MAPK14: variants seen among roughly 807,000 people sequenced by gnomAD.
The protein encoded by MAPK14 is CSAID-binding protein.
Under a neutral mutation model 49.6 loss-of-function variants are expected in MAPK14, and 16 were observed. The observed-to-expected ratio is 0.32, with a 90% CI of 0.22 to 0.49. The LOEUF is 0.49. MAPK14 is among the 20% of genes least tolerant of loss of function. The pLI is 0.99. For synonymous variants in MAPK14, 142 were observed against 158.0 expected (o/e 0.90, Z 0.76); for missense variants, 200 against 441.2 (o/e 0.45, Z 4.90).
At chr6:36,080,495 G>A (rs1764712100) in intron 8 of MAPK14, among the ~76,000 whole-genome samples, 1 of 152,084 alleles carries the variant, frequency 6.6e-6, no homozygotes, top group African/African-American at 2.4e-5. Context: ...ATTTCACTTA[G>A]TATAATGTTT....
At chr6:36,037,911 C>A (rs1271781870) in intron 1 of MAPK14, among the ~76,000 whole-genome samples, 1 of 151,796 alleles carries the variant, frequency 6.6e-6, no homozygotes. Context: ...ATTGCTTGAG[C>A]CTAAGAGGAT....
At position 36,058,993 on chromosome 6, in the gene MAPK14, AG is replaced by A. The variant is rs561788099; in HGVS notation, c.247-295del. On this transcript the variant is annotated intron_variant, in intron 2 of 11. Coordinates refer to ENST00000229794, the MANE Select transcript of MAPK14 (RefSeq NM_139012.3). Reference sequence around the variant, plus strand: ...CAACCTCCGCTTCCCAGGTTCAATCAGTTCTCCTGCCTCAGCCTCCCGAGTA... The same window carrying A: ...CAACCTCCGCTTCCCAGGTTCAATCATTCTCCTGCCTCAGCCTCCCGAGTA... Among the ~76,000 whole-genome samples the A allele has an allele frequency of 4.0e-5, 6 of 151,378 alleles. No homozygotes were observed. In the South Asian group the frequency reaches 1.2e-3, roughly 31 times the overall value.
At chr6:36,121,157 C>T in the MAPK14 span, among the ~76,000 whole-genome samples, 4 of 152,168 alleles carry the variant, frequency 2.6e-5, no homozygotes, top group South Asian at 6.2e-4. Flanking sequence ...GGCACGCTTG[C>T]GGATCGCTAG....
chr6:36,102,688 T>C lies in MAPK14; in HGVS notation c.841+39T>C, dbSNP rs368212855. On this transcript the variant is annotated intron_variant, in intron 10 of 11. Transcript: ENST00000229794. ...ATATCCTCACCTCATGGATATTGAATTGGTTATGATATAAATTGGGGATTT... is the reference window on the plus strand; with the variant it reads ...ATATCCTCACCTCATGGATATTGAACTGGTTATGATATAAATTGGGGATTT... 1.5e-5 allele frequency: 24 copies of C among 1,609,840 alleles called. No homozygotes were observed. The African/African-American group carries it at 3.2e-4, about 22-fold the overall frequency.
intron 8 of MAPK14, among the ~76,000 whole-genome samples, chr6:36,095,359 G>C (rs1047305810): frequency 6.6e-6 from 1 of 152,202 alleles, no homozygotes; most frequent in African/African-American, 2.4e-5. Flanking sequence ...AGCGCCCTCT[G>C]CTGGCGACTC....
chr6:36,066,628 A>T (rs1764069538), intron 3 of MAPK14, among the ~76,000 whole-genome samples: 1 of 152,214 alleles, frequency 6.6e-6, no homozygotes, highest in Non-Finnish European at 1.5e-5. Context: ...AGAATGAAGG[A>T]AATATGTAAA....
chr6:36,107,351 T>C lies in MAPK14; in HGVS notation c.842-104T>C. 1 of 701,212 alleles carries C rather than the reference T, an allele frequency of 1.4e-6. No homozygotes were observed. 43.4% of individuals were successfully genotyped at this position (701,212 alleles called of 1,614,324 possible). On this transcript the variant is annotated intron_variant, in intron 10 of 11. Transcript: ENST00000229794. The surrounding 1 kb of genome is among the most constrained non-coding windows in gnomAD (Gnocchi z 4.3). ...CTAGAGTAGGTATTTTGGAGGAGAG[T>C]TCTTTGTTTGGATATGAAGGGTCAA...
chr6:36,106,234 A>C (rs1427273708), intron 10 of MAPK14, among the ~76,000 whole-genome samples: 3 of 152,182 alleles, frequency 2.0e-5, no homozygotes, highest in East Asian at 1.9e-4. Context: ...GTTTTTGGGA[A>C]GTACAGGGGA....
At chr6:36,032,318 T>C (rs1252732505) in intron 1 of MAPK14, among the ~76,000 whole-genome samples, 2 of 152,212 alleles carry the variant, frequency 1.3e-5, no homozygotes, top group Non-Finnish European at 2.9e-5. Context: ...TTTACAAATA[T>C]GCCTTTCCGT....
intron 8 of MAPK14, among the ~76,000 whole-genome samples, chr6:36,086,286 A>G (rs1246111119): frequency 2.0e-5 from 3 of 152,198 alleles, no homozygotes; most frequent in Admixed American, 2.0e-4. Context: ...CTAGCAGAGG[A>G]CAAGAAATAA....
chr6:36,099,642 A>G (rs895987901), intron 9 of MAPK14, among the ~76,000 whole-genome samples: 1 of 152,216 alleles, frequency 6.6e-6, no homozygotes, highest in African/African-American at 2.4e-5. Flanking sequence ...AGTATTTTAA[A>G]TGTACCACTA....
intron 3 of MAPK14, among the ~76,000 whole-genome samples, chr6:36,061,982 T>C (rs1385468239): frequency 7.2e-5 from 11 of 151,952 alleles, no homozygotes; most frequent in African/African-American, 2.4e-4. Flanking sequence ...TTCAGTGTTT[T>C]CTTTTTTTTT....
At chr6:36,031,151 A>G (rs894681310) in intron 1 of MAPK14, among the ~76,000 whole-genome samples, 2 of 151,924 alleles carry the variant, frequency 1.3e-5, no homozygotes, top group African/African-American at 4.8e-5. Flanking sequence ...AGTAGCTGGG[A>G]CTACAGGTGC....
intron 1 of MAPK14, among the ~76,000 whole-genome samples, chr6:36,045,382 A>G (rs1471262149): frequency 2.0e-5 from 3 of 152,170 alleles, no homozygotes; most frequent in Non-Finnish European, 4.4e-5. Context: ...GCCTCTCTTC[A>G]GCTCTCCTGA....
the MAPK14 span, among the ~76,000 whole-genome samples, chr6:36,122,963 G>A: frequency 6.6e-6 from 1 of 152,170 alleles, no homozygotes; most frequent in Non-Finnish European, 1.5e-5. Context: ...CCTGTGGAGG[G>A]GGAAGCGGGT....
chr6:36,052,675 GT>G lies in MAPK14; in HGVS notation c.117-18del, dbSNP rs1332620807. 12 of 1,582,562 alleles carry G rather than the reference GT, an allele frequency of 7.6e-6. No homozygotes were observed. In the East Asian group the frequency reaches 1.4e-4, roughly 18 times the overall value. On this transcript the variant is annotated intron_variant, in intron 1 of 11. Transcript: ENST00000229794. The stretch of plus-strand genomic sequence containing the variant: ...ATTTAGAACAGCTTTTTAATGGTGG[GT>G]TTTTTCCCTTTTTTCTCCTTAGTGC...
intron 8 of MAPK14, among the ~76,000 whole-genome samples, chr6:36,080,357 G>T (rs1347795485): frequency 9.9e-5 from 15 of 152,040 alleles, no homozygotes; most frequent in Non-Finnish European, 2.1e-4. Context: ...CTCAGCCCGT[G>T]AAACAGTAAC....
chr6:36,081,431 A>G (rs1340833370), intron 8 of MAPK14, among the ~76,000 whole-genome samples: 1 of 152,226 alleles, frequency 6.6e-6, no homozygotes, highest in Admixed American at 6.5e-5. Context: ...TTCTAGCACC[A>G]TAAAGAGACT....
chr6:36,073,135 A>G (rs1012190264), intron 4 of MAPK14, 151 bp downstream of exon 4: 7 of 637,944 alleles, frequency 1.1e-5, no homozygotes, highest in African/African-American at 5.5e-5. Context: ...GTAAACTGCC[A>G]TGTTCACTCA....
Sources: allele counts gnomAD v4.1 joint callset (sites outside exome capture counted in the v4.1 genomes callset), GRCh38; gene constraint gnomAD v4.1.1; non-coding constraint Gnocchi (gnomAD v3.1); transcripts MANE v1.5; gene names NCBI Gene and HGNC (gene_info 2026-07-23, HGNC 2026-07-21).